GDPD5: variants seen among roughly 807,000 people sequenced by gnomAD.
GDPD5 encodes glycerophosphodiester phosphodiesterase domain containing 5.
Under a neutral mutation model 75.1 loss-of-function variants are expected in GDPD5, and 48 were observed. The observed-to-expected ratio is 0.64, with a 90% confidence interval of 0.51 to 0.81. The LOEUF (loss-of-function observed/expected upper bound fraction) is 0.81, where lower values mean the gene tolerates loss of function less well. GDPD5 is among the 40% of genes least tolerant of loss of function. The pLI, the probability that GDPD5 is intolerant of heterozygous loss-of-function variation, is 0.00. For missense variants in GDPD5, 706 were observed against 822.6 expected (o/e 0.86, Z 1.73); for synonymous variants, 336 against 339.0 (o/e 0.99, Z 0.10).
At chr11:75,483,692 A>G (rs1949966779) in intron 2 of GDPD5, among the ~76,000 whole-genome samples, 1 of 152,234 alleles carries the variant, frequency 6.6e-6, no homozygotes, top group South Asian at 2.1e-4. Context: ...ATAAAAAGGA[A>G]TTGAGGCAAC....
At chr11:75,455,485 G>A in intron 6 of GDPD5, 1 of 410,738 alleles carries the variant, frequency 2.4e-6, no homozygotes, top group South Asian at 1.7e-5. Flanking sequence ...CGGCCTCGGT[G>A]CCTCCCTGGA....
At chr11:75,457,885 G>T in intron 4 of GDPD5, 99 bp from the exon 5 acceptor site, 2 of 862,322 alleles carry the variant, frequency 2.3e-6, no homozygotes, top group Non-Finnish European at 3.7e-6. Flanking sequence ...GACAGGCTGG[G>T]CTCAGTGACC....
chr11:75,507,865 A>G (rs920163277), intron 1 of GDPD5, among the ~76,000 whole-genome samples: 1 of 152,178 alleles, frequency 6.6e-6, no homozygotes, highest in Non-Finnish European at 1.5e-5. Context: ...CCTGCCAGTC[A>G]TCAGGACAGG....
At chr11:75,483,799 C>A (rs1836197973) in intron 2 of GDPD5, among the ~76,000 whole-genome samples, 2 of 152,288 alleles carry the variant, frequency 1.3e-5, no homozygotes, top group South Asian at 4.1e-4. Flanking sequence ...AATACTGAGA[C>A]AGAAAGTAGC....
rs1948790024 is a variant in GDPD5, at chr11:75,441,222, A to G, written c.1414T>C (p.Ser472Pro). ...GCGTGGGAGTTGTCAGAGGTGACGG[A>G]TGGGACCCCCGCACACCACAGCAGG... ...FSLLWCAGVP[S>P]VTSDNSHALS... Residue 472 changes from serine (S) to proline (P), a missense_variant, in exon 14 of 17, where the codon TCC becomes CCC. Physicochemically the swap from Ser to Pro is moderately conservative, Grantham distance 74. Coordinates refer to ENST00000336898, the MANE Select transcript of GDPD5 (RefSeq NM_030792.8). 1 of 1,614,018 alleles carries G rather than the reference A, an allele frequency of 6.2e-7. No individual in the cohort carries two copies. The highest frequency in any genetic ancestry group is 8.5e-7 in the Non-Finnish European group (1 of 1,179,960).
intron 2 of GDPD5, among the ~76,000 whole-genome samples, chr11:75,489,530 T>C (rs1950073440): frequency 6.6e-6 from 1 of 152,212 alleles, no homozygotes; most frequent in Admixed American, 6.5e-5. Flanking sequence ...AATTCCATGA[T>C]ATAAGGCCTC....
chr11:75,449,143 G>A (rs1479218359), intron 8 of GDPD5, 21 bp from the exon 9 acceptor site: 1 of 1,556,914 alleles, frequency 6.4e-7, no homozygotes, highest in Admixed American at 2.0e-5. Flanking sequence ...GGGGCCGTGA[G>A]TGCTGCCTGG....
chr11:75,495,658 A>G (rs1950195182), intron 1 of GDPD5, among the ~76,000 whole-genome samples: 2 of 152,220 alleles, frequency 1.3e-5, no homozygotes, highest in African/African-American at 2.4e-5. Context: ...TTGTGAAGGT[A>G]TATTTGTCAA....
In GDPD5 at chr11:75,497,795, C is replaced by A. The variant is rs1052099261; in HGVS notation, c.-144-7475G>T. On this transcript the variant is annotated intron_variant, in intron 1 of 16. Transcript: ENST00000336898. ...GAGGGGTTAGTGGGCCAGGGCAGAG[C>A]TGATAAAGAGTAAGATGCTCACTTA... is the stretch of plus-strand genomic sequence containing the variant. Among the ~76,000 whole-genome samples the A allele has an allele frequency of 1.1e-4, 16 of 152,166 alleles. No homozygotes were observed. In the East Asian group the frequency reaches 2.7e-3, roughly 26 times the overall value.
intron 3 of GDPD5, among the ~76,000 whole-genome samples, chr11:75,473,194 G>C (rs1440851108): frequency 6.6e-6 from 1 of 151,938 alleles, no homozygotes; most frequent in Non-Finnish European, 1.5e-5. Flanking sequence ...GTGATGGGGG[G>C]CTCTCATCAT....
chr11:75,472,979 T>C (rs956375004), intron 3 of GDPD5, among the ~76,000 whole-genome samples: 6 of 151,620 alleles, frequency 4.0e-5, no homozygotes, highest in Admixed American at 6.6e-5. Context: ...GGATTTGCAA[T>C]GAGTCTTAAG....
At chr11:75,446,336 C>T (rs1215887961) in intron 9 of GDPD5, among the ~76,000 whole-genome samples, 1 of 144,926 alleles carries the variant, frequency 6.9e-6, no homozygotes, top group Non-Finnish European at 1.6e-5. Flanking sequence ...TGGCCAGGCT[C>T]AGGACTCCAG....
intron 1 of GDPD5, among the ~76,000 whole-genome samples, chr11:75,505,163 T>C (rs188003646): frequency 9.1e-4 from 135 of 148,774 alleles, no homozygotes; most frequent in African/African-American, 3.3e-3. Context: ...ACTCTTGAGG[T>C]AGATAGGGAG....
chr11:75,454,989 C>T (rs1482966940), intron 6 of GDPD5, among the ~76,000 whole-genome samples: 1 of 152,184 alleles, frequency 6.6e-6, no homozygotes, highest in African/African-American at 2.4e-5. Flanking sequence ...GGAACTCCCT[C>T]CTGGTGGGGC....
chr11:75,519,947 G>A (rs972426735), intron 1 of GDPD5, among the ~76,000 whole-genome samples: 2 of 152,204 alleles, frequency 1.3e-5, no homozygotes, highest in Admixed American at 1.3e-4. Context: ...CTAGCTGGAC[G>A]CCAGACGGCT....
intron 2 of GDPD5, among the ~76,000 whole-genome samples, chr11:75,478,219 G>A (rs539886689): frequency 8.5e-5 from 13 of 152,150 alleles, no homozygotes; most frequent in Non-Finnish European, 1.2e-4. Flanking sequence ...GCACAATCTC[G>A]GCTCACTGCA....
intron 2 of GDPD5, among the ~76,000 whole-genome samples, chr11:75,487,620 A>G (rs1170688057): frequency 6.6e-6 from 1 of 152,180 alleles, no homozygotes; most frequent in Non-Finnish European, 1.5e-5. Flanking sequence ...TTTACCCAAC[A>G]CTTCTGTCCC....
rs1793403 is a variant in GDPD5, at chr11:75,453,574, T to G, written c.375+3183A>C. On this transcript the variant is annotated intron_variant, in intron 6 of 16. Transcript: ENST00000336898. ...TGGAGCTTGCAGTGAGCCAAGATCG[T>G]GCCACTGCACTCCAGCCTGGGCGAC... Among the ~76,000 whole-genome samples, 22 of 148,860 alleles carry G rather than the reference T, an allele frequency of 1.5e-4. No individual in the cohort carries two copies. In the East Asian group the frequency reaches 3.7e-3, roughly 25 times the overall value.
At chr11:75,517,063 G>A (rs186042458) in intron 1 of GDPD5, among the ~76,000 whole-genome samples, 5 of 152,278 alleles carry the variant, frequency 3.3e-5, no homozygotes, top group East Asian at 1.9e-4. Context: ...TGGAACTTGC[G>A]GGCCAAACAG....
Sources: allele counts gnomAD v4.1 joint callset (sites outside exome capture counted in the v4.1 genomes callset), GRCh38; gene constraint gnomAD v4.1.1; transcripts MANE v1.5; gene names NCBI Gene and HGNC (gene_info 2026-07-23, HGNC 2026-07-21).